The following KIAA1217 variants were observed in gnomAD, a reference collection of about 807,000 sequenced individuals.
KIAA1217 encodes the protein KIAA1217, also known as sickle tail protein homolog.
In KIAA1217, 88 loss-of-function variants were observed where a neutral mutation model predicts 163.9. The ratio of observed to expected loss-of-function variants is 0.54; its 90% confidence interval spans 0.45 to 0.64. The LOEUF (loss-of-function observed/expected upper bound fraction) is 0.64. KIAA1217 is among the 30% of genes least tolerant of loss of function. The probability of loss-of-function intolerance (pLI) is 0.00; values close to 1 mark genes in which losing one functional copy is unlikely to be tolerated. For synonymous variants in KIAA1217, 903 were observed against 923.1 expected, an observed-to-expected ratio of 0.98 and a Z score of 0.39; for missense variants, 2,372 against 2,475.0, an observed-to-expected ratio of 0.96 and a Z score of 0.88.
intron 3 of KIAA1217, among the ~76,000 whole-genome samples, chr10:24,400,528 T>C (rs1591619238): frequency 6.6e-6 from 1 of 152,202 alleles, no homozygotes; most frequent in East Asian, 1.9e-4. Context: ...CAAGAAGTGA[T>C]GCTTTGGTTA....
intron 1 of KIAA1217, among the ~76,000 whole-genome samples, chr10:23,777,933 ATTTTTTCT>A (rs997889280): frequency 2.0e-5 from 3 of 151,426 alleles, no homozygotes; most frequent in African/African-American, 4.9e-5. Flanking sequence ...AACTACGGAA[ATTTTTTCT>A]TTTTTTCTTT....
intron 5 of KIAA1217, among the ~76,000 whole-genome samples, chr10:24,461,644 C>G (rs1401043828): frequency 6.6e-6 from 1 of 152,188 alleles, no homozygotes; most frequent in African/African-American, 2.4e-5. Flanking sequence ...GTGTGAGCTA[C>G]TGCACCCGGC....
Position 24,523,124 on chromosome 10 carries a change from C to T in KIAA1217, c.2456+1195C>T, listed in dbSNP as rs576498042. Among the ~76,000 whole-genome samples the T allele has an allele frequency of 4.6e-5, 7 of 152,276 alleles. No homozygotes were observed. The South Asian group carries it at 1.5e-3, about 32-fold the overall frequency. ...CTATGATCACACCACTGCACTCCAG[C>T]CTGGGTGACAGAGCAAGACCCCATC... On this transcript the variant is annotated intron_variant, in intron 12 of 20. Coordinates refer to ENST00000376454, the MANE Select transcript of KIAA1217 (RefSeq NM_019590.5).
intron 1 of KIAA1217, among the ~76,000 whole-genome samples, chr10:23,908,553 C>T (rs761203713): frequency 7.6e-4 from 115 of 152,022 alleles, no homozygotes; most frequent in Admixed American, 3.7e-3. Flanking sequence ...TGGGTGACTG[C>T]CTTTGAGTCA....
At chr10:24,193,044 G>A (rs1269380502) in intron 2 of KIAA1217, among the ~76,000 whole-genome samples, 1 of 152,140 alleles carries the variant, frequency 6.6e-6, no homozygotes, top group African/African-American at 2.4e-5. Context: ...AGCCTCCTGA[G>A]TAACTGGGAC....
At chr10:23,867,998 G>A (rs1405399539) in intron 1 of KIAA1217, among the ~76,000 whole-genome samples, 1 of 152,074 alleles carries the variant, frequency 6.6e-6, no homozygotes, top group East Asian at 1.9e-4. Flanking sequence ...TAATGTTTAA[G>A]TTTTAATCCA....
At chr10:24,467,242 G>T (rs1026968902) in intron 5 of KIAA1217, among the ~76,000 whole-genome samples, 1 of 152,170 alleles carries the variant, frequency 6.6e-6, no homozygotes, top group Non-Finnish European at 1.5e-5. Context: ...TCAGAAGTAT[G>T]GTGTAAACAG....
intron 2 of KIAA1217, among the ~76,000 whole-genome samples, chr10:24,195,504 A>G (rs934228309): frequency 6.6e-6 from 1 of 152,148 alleles, no homozygotes; most frequent in Non-Finnish European, 1.5e-5. Context: ...TTGGGGATTA[A>G]TTGTTGGGAC....
intron 2 of KIAA1217, among the ~76,000 whole-genome samples, chr10:24,252,980 C>T (rs1052966258): frequency 6.9e-5 from 10 of 144,134 alleles, no homozygotes; most frequent in Non-Finnish European, 1.2e-4. Context: ...TAGCGAGACC[C>T]CGCCTCTACA....
rs549658844 is a variant in KIAA1217 at position 23,750,923 on chromosome 10, C to A, written c.-321+55689C>A. Among the ~76,000 whole-genome samples, 7 of 152,006 alleles carry A rather than the reference C, an allele frequency of 4.6e-5. 1 individual carries two copies. In the East Asian group the frequency reaches 1.2e-3, roughly 25 times the overall value. ...GAATTTTCTACTCATGATGTGCTGA[C>A]CTTAAGATAATTCCTTTCCCTTCCC... On this transcript the variant is annotated intron_variant, in intron 1 of 18. Transcript: ENST00000376462.
chr10:24,290,542 C>A lies in KIAA1217; in HGVS notation c.354+70633C>A, dbSNP rs139297302. Among the ~76,000 whole-genome samples the A allele has an allele frequency of 3.1e-3, 464 of 150,626 alleles. 5 individuals are homozygous for A. The highest frequency in any genetic ancestry group is 0.011 in the African/African-American group (443 of 41,174). On this transcript the variant is annotated intron_variant, in intron 2 of 20. Coordinates refer to ENST00000376454, the MANE Select transcript of KIAA1217 (RefSeq NM_019590.5). ...AAGTTCTTTCTTTTTTGCTAACTTT[C>A]ACCTTATCACAATAATGCAACAGGA... is the stretch of plus-strand genomic sequence containing the variant.
At chr10:24,510,657 G>A (rs1457200015) in intron 9 of KIAA1217, among the ~76,000 whole-genome samples, 1 of 152,062 alleles carries the variant, frequency 6.6e-6, no homozygotes, top group Non-Finnish European at 1.5e-5. Flanking sequence ...CCCTTCAAAG[G>A]CAGGAGCTCT....
intron 1 of KIAA1217, among the ~76,000 whole-genome samples, chr10:23,711,943 C>T (rs945871766): frequency 7.9e-5 from 12 of 152,088 alleles, no homozygotes; most frequent in African/African-American, 2.9e-4. Flanking sequence ...AAACATGCTC[C>T]CTAAGTGAGT....
rs148389854 is a variant in KIAA1217 at position 24,021,136 on chromosome 10, A to G, written c.-171+13762A>G. On this transcript the variant is annotated intron_variant, in intron 2 of 18. Coordinates refer to the KIAA1217 transcript ENST00000376462. ...CATATGACTAGTAACAGCACAAGAGATACAAAATCTCAATAGATAAGTAGA... is the reference window on the plus strand; with the variant it reads ...CATATGACTAGTAACAGCACAAGAGGTACAAAATCTCAATAGATAAGTAGA... Among the ~76,000 whole-genome samples, 512 of 152,092 alleles carry G rather than the reference A, an allele frequency of 3.4e-3. 3 individuals are homozygous for G. Among genetic ancestry groups the G allele is most frequent in the South Asian group, 0.013 (65 of 4,816 alleles).
chr10:24,209,066 T>A (rs1448049042), upstream of KIAA1217: 4 of 699,266 alleles, frequency 5.7e-6, no homozygotes, highest in Non-Finnish European at 9.8e-6. Flanking sequence ...GAAAATAGTT[T>A]GGGGTGGGGT....
intron 9 of KIAA1217, among the ~76,000 whole-genome samples, chr10:24,505,516 C>G (rs2134076202): frequency 6.6e-6 from 1 of 151,914 alleles, no homozygotes; most frequent in Non-Finnish European, 1.5e-5. Context: ...TGGATTTTAC[C>G]AAAGTCATCC....
intron 2 of KIAA1217, among the ~76,000 whole-genome samples, chr10:24,323,118 T>TA (rs35831396): frequency 1.8e-3 from 268 of 148,644 alleles, no homozygotes; most frequent in African/African-American, 5.9e-3. Context: ...CCCAGCTAAT[T>TA]AAAAAAAAAA....
chr10:23,713,705 G>A (rs1837397944), intron 1 of KIAA1217, among the ~76,000 whole-genome samples: 1 of 151,934 alleles, frequency 6.6e-6, no homozygotes, highest in South Asian at 2.1e-4. Context: ...AAACTTTTTG[G>A]TATCTGTAAT....
intron 1 of KIAA1217, among the ~76,000 whole-genome samples, chr10:23,918,753 C>T (rs1425549747): frequency 2.0e-5 from 3 of 151,984 alleles, no homozygotes; most frequent in South Asian, 2.1e-4. Flanking sequence ...CACACACACA[C>T]ACACACACAC....
Sources: allele counts gnomAD v4.1 joint callset (sites outside exome capture counted in the v4.1 genomes callset), GRCh38; gene constraint gnomAD v4.1.1; transcripts MANE v1.5; gene names NCBI Gene and HGNC (gene_info 2026-07-23, HGNC 2026-07-21).